The following CADPS2 variants were observed in gnomAD, a reference collection of about 807,000 sequenced individuals.
The protein encoded by CADPS2 is calcium-dependent secretion activator 2.
A neutral mutation model predicts 172.5 loss-of-function variants in CADPS2; 93 were observed. The ratio of observed to expected loss-of-function variants is 0.54; its 90% CI spans 0.46 to 0.64. CADPS2 has a LOEUF of 0.64. Among genes scored for constraint, CADPS2 ranks in the 30% least tolerant of loss-of-function variants. The pLI is 0.00. For missense variants in CADPS2, 1,420 were observed against 1,565.9 expected, an observed-to-expected ratio of 0.91 and a Z score of 1.57; for synonymous variants, 546 against 555.2, an observed-to-expected ratio of 0.98 and a Z score of 0.23.
At chr7:122,356,142 C>T (rs538947987) in intron 27 of CADPS2, among the ~76,000 whole-genome samples, 1 of 152,254 alleles carries the variant, frequency 6.6e-6, no homozygotes, top group South Asian at 2.1e-4. Flanking sequence ...TTTTTCTCTT[C>T]CATGATATCA....
At chr7:122,631,771 G>A (rs1053597059) in intron 3 of CADPS2, among the ~76,000 whole-genome samples, 3 of 152,008 alleles carry the variant, frequency 2.0e-5, no homozygotes, top group African/African-American at 7.3e-5. Flanking sequence ...TGTTGAGGTT[G>A]AGGTTGGGGA....
At position 122,813,308 on chromosome 7, in the gene CADPS2, A is replaced by G. The variant is rs539376261; in HGVS notation, c.339+72691T>C. Among the ~76,000 whole-genome samples, 4 of 152,202 alleles carry G rather than the reference A, an allele frequency of 2.6e-5. No individual in the cohort carries two copies. The South Asian group carries it at 8.3e-4, about 31-fold the overall frequency. On this transcript the variant is annotated intron_variant, in intron 1 of 29. Transcript: ENST00000449022. ...TAAAGCAAAATCATGAAAAGGAACA[A>G]ACACTTTAATTTTCTATACAAGTCC...
intron 3 of CADPS2, among the ~76,000 whole-genome samples, chr7:122,631,673 T>C (rs961607888): frequency 6.7e-6 from 1 of 149,866 alleles, no homozygotes; most frequent in African/African-American, 2.5e-5. Flanking sequence ...TGTAGAGCAC[T>C]GGGACACTAC....
intron 20 of CADPS2, among the ~76,000 whole-genome samples, chr7:122,397,969 T>G (rs2045393134): frequency 6.6e-6 from 1 of 152,166 alleles, no homozygotes. Context: ...CCGAAAAGAT[T>G]CCATGTTTCC....
chr7:122,406,737 CAG>C (rs1343591824), intron 20 of CADPS2, among the ~76,000 whole-genome samples: 1 of 152,044 alleles, frequency 6.6e-6, no homozygotes, highest in Non-Finnish European at 1.5e-5. Context: ...GGGTCAGAAC[CAG>C]AGGTTAGGAG....
intron 28 of CADPS2, among the ~76,000 whole-genome samples, chr7:122,344,991 T>C (rs142547590): frequency 2.0e-4 from 30 of 152,260 alleles, no homozygotes; most frequent in African/African-American, 7.2e-4. Context: ...ATGGCAAGAA[T>C]GGATTTCAGT....
intron 1 of CADPS2, 109 bp from the exon 2 acceptor site, chr7:122,737,177 TTATAG>T (rs2092216955): frequency 6.5e-6 from 4 of 615,338 alleles, no homozygotes; most frequent in Admixed American, 6.0e-5. Flanking sequence ...AGAATTAACT[TTATAG>T]TAAAGAAAAA....
At chr7:122,326,282 T>C (rs1039605083) in intron 28 of CADPS2, among the ~76,000 whole-genome samples, 19 of 152,238 alleles carry the variant, frequency 1.2e-4, no homozygotes, top group African/African-American at 4.6e-4. Context: ...TGTTTCATTT[T>C]GTATTTTTGG....
At chr7:122,681,176 C>A (rs1288358928) in intron 2 of CADPS2, 30 of 567,136 alleles carry the variant, frequency 5.3e-5, no homozygotes, top group Middle Eastern at 4.8e-4. Context: ...ATACCTAATG[C>A]TAGATGACAA....
chr7:122,455,376 A>G (rs767686120), intron 14 of CADPS2, among the ~76,000 whole-genome samples: 33 of 151,874 alleles, frequency 2.2e-4, no homozygotes, highest in Non-Finnish European at 3.8e-4. Flanking sequence ...CCATTCCCAT[A>G]GACCTTTCTA....
intron 2 of CADPS2, among the ~76,000 whole-genome samples, chr7:122,734,794 C>T (rs762777016): frequency 2.6e-5 from 4 of 152,054 alleles, no homozygotes; most frequent in Non-Finnish European, 5.9e-5. Flanking sequence ...TCCACAAATG[C>T]ACCCCAGGAA....
At chr7:122,815,519 T>C (rs1463435578) in intron 1 of CADPS2, among the ~76,000 whole-genome samples, 1 of 151,832 alleles carries the variant, frequency 6.6e-6, no homozygotes, top group African/African-American at 2.4e-5. Flanking sequence ...GTTTTCCCTG[T>C]CTCACTCAAG....
intron 9 of CADPS2, among the ~76,000 whole-genome samples, chr7:122,495,634 C>T (rs1285483071): frequency 6.6e-6 from 1 of 152,094 alleles, no homozygotes; most frequent in Non-Finnish European, 1.5e-5. Flanking sequence ...TGTCTTCTTG[C>T]TCACATATGT....
chr7:122,389,463 C>T (rs1400971796), intron 22 of CADPS2, among the ~76,000 whole-genome samples: 1 of 151,840 alleles, frequency 6.6e-6, no homozygotes, highest in Non-Finnish European at 1.5e-5. Flanking sequence ...TAAAATTACT[C>T]TACAGGAGTG....
chr7:122,713,012 T>C (rs1055148017), intron 2 of CADPS2, among the ~76,000 whole-genome samples: 6 of 151,976 alleles, frequency 3.9e-5, no homozygotes, highest in Non-Finnish European at 8.8e-5. Flanking sequence ...CACACAAAAA[T>C]AAATCCTGTC....
At chr7:122,610,348 A>G (rs1406206271) in intron 6 of CADPS2, among the ~76,000 whole-genome samples, 1 of 152,110 alleles carries the variant, frequency 6.6e-6, no homozygotes, top group African/African-American at 2.4e-5. Context: ...AAAATAACGT[A>G]ACTTCAGATA....
chr7:122,740,742 GA>G (rs370481175), intron 1 of CADPS2, among the ~76,000 whole-genome samples: 3 of 150,608 alleles, frequency 2.0e-5, no homozygotes, highest in Admixed American at 6.6e-5. Flanking sequence ...AGATTAACTA[GA>G]AAAAAAAATA....
rs375572733 is a variant in CADPS2 at position 122,332,732 on chromosome 7, G to A, written c.3613-7151C>T. On this transcript the variant is annotated intron_variant, in intron 28 of 29. Transcript: ENST00000449022. Reference sequence around the variant, plus strand: ...TTCAGTTACATAACACAATAAGTTCGAAAACAGGACAAGTTCTGTAAATTG... The same window carrying A: ...TTCAGTTACATAACACAATAAGTTCAAAAACAGGACAAGTTCTGTAAATTG... Among the ~76,000 whole-genome samples the A allele has an allele frequency of 7.9e-5, 12 of 152,188 alleles. No individual in the cohort carries two copies. In the East Asian group the frequency reaches 9.7e-4, roughly 12 times the overall value.
chr7:122,335,661 G>A (rs891863793), intron 28 of CADPS2, among the ~76,000 whole-genome samples: 11 of 152,158 alleles, frequency 7.2e-5, no homozygotes, highest in African/African-American at 2.7e-4. Flanking sequence ...GTTCAGCCAC[G>A]TTCAAATACT....
Sources: allele counts gnomAD v4.1 joint callset (sites outside exome capture counted in the v4.1 genomes callset), GRCh38; gene constraint gnomAD v4.1.1; transcripts MANE v1.5; gene names NCBI Gene and HGNC (gene_info 2026-07-23, HGNC 2026-07-21).